Variants in MTHFD1 observed in about 807,000 individuals in gnomAD.
MTHFD1 encodes the protein methylenetetrahydrofolate dehydrogenase, cyclohydrolase and formyltetrahydrofolate synthetase 1, also known as C-1-tetrahydrofolate synthase, cytoplasmic.
Under a neutral mutation model 110.3 loss-of-function variants are expected in MTHFD1, and 44 were observed. The ratio of observed to expected loss-of-function variants is 0.40; its 90% CI spans 0.31 to 0.51. The LOEUF (loss-of-function observed/expected upper bound fraction) is 0.51, where lower values mean the gene tolerates loss of function less well. MTHFD1 is among the 20% of genes least tolerant of loss of function. MTHFD1 has a pLI of 0.60. For synonymous variants in MTHFD1, 402 were observed against 428.8 expected (o/e 0.94, Z 0.77); for missense variants, 909 against 1,173.1 (o/e 0.77, Z 3.29).
chr14:64,402,496 G>GA (rs2077905300), intron 2 of MTHFD1, among the ~76,000 whole-genome samples: 1 of 152,102 alleles, frequency 6.6e-6, no homozygotes, highest in Non-Finnish European at 1.5e-5. Context: ...TCATTTTTGA[G>GA]AAAATATTTG....
At chr14:64,414,747 T>A (rs2078012812) in intron 4 of MTHFD1, among the ~76,000 whole-genome samples, 2 of 150,696 alleles carry the variant, frequency 1.3e-5, no homozygotes, top group Non-Finnish European at 2.9e-5. Context: ...TGGAGTGCAG[T>A]GGCACTATCT....
At chr14:64,450,513 C>G (rs903430810) in intron 24 of MTHFD1, among the ~76,000 whole-genome samples, 3 of 152,132 alleles carry the variant, frequency 2.0e-5, no homozygotes, top group East Asian at 1.9e-4. Flanking sequence ...CTCTATGATA[C>G]AATAAAGTTA....
intron 19 of MTHFD1, 29 bp downstream of exon 19, chr14:64,441,482 A>G (rs1215837398): frequency 1.2e-6 from 2 of 1,610,866 alleles, no homozygotes; most frequent in Non-Finnish European, 1.7e-6. Flanking sequence ...GCCTTCTTGA[A>G]TTGGTTTTGG....
chr14:64,430,350 G>A (rs1281785122), intron 13 of MTHFD1, 120 bp downstream of exon 13: 1 of 930,516 alleles, frequency 1.1e-6, no homozygotes, highest in Non-Finnish European at 1.7e-6. Flanking sequence ...CAGAGCTGGA[G>A]TGCAATGGCG....
At chr14:64,429,762 GCTTT>G (rs57764063) in intron 12 of MTHFD1, among the ~76,000 whole-genome samples, 9,426 of 152,204 alleles carry the variant, frequency 0.062, 503 homozygotes, top group African/African-American at 0.16. Flanking sequence ...CAATTAGGCT[GCTTT>G]CTAACAGCCT....
chr14:64,413,149 C>T (rs1389203118), intron 4 of MTHFD1, among the ~76,000 whole-genome samples: 5 of 151,474 alleles, frequency 3.3e-5, no homozygotes, highest in Non-Finnish European at 5.9e-5. Context: ...GTCGGGAGTT[C>T]GAGACCAGCC....
At chr14:64,415,821 T>C in intron 6 of MTHFD1, 82 bp downstream of exon 6, 1 of 1,347,240 alleles carries the variant, frequency 7.4e-7, no homozygotes, top group Non-Finnish European at 1.0e-6. Context: ...AGGAGGTACA[T>C]TGTGGGCCAT....
chr14:64,419,744 T>A (rs2078054250), intron 7 of MTHFD1, 70 bp from the exon 8 acceptor site: 1 of 1,027,602 alleles, frequency 9.7e-7, no homozygotes, highest in Non-Finnish European at 1.5e-6. Context: ...GATATCCTTT[T>A]CATTTCTGGG....
rs1197119635 is a variant in MTHFD1 at position 64,417,366 on chromosome 14, C to T, written c.479-522C>T. On this transcript the variant is annotated intron_variant, in intron 6 of 27. Transcript: ENST00000652337. The surrounding 1 kb of genome is among the most constrained non-coding windows in gnomAD (Gnocchi z 4.4). ...TGCCACAGTTCAATTTCCCCTTTATCACTTCCCTGCAAGTAACCCTATGGC... is the reference window on the plus strand; with the variant it reads ...TGCCACAGTTCAATTTCCCCTTTATTACTTCCCTGCAAGTAACCCTATGGC... Among the ~76,000 whole-genome samples, 1 of 152,220 alleles carries T rather than the reference C, an allele frequency of 6.6e-6. No homozygotes were observed. Among genetic ancestry groups the T allele is most frequent in the Admixed American group, 6.5e-5 (1 of 15,278 alleles).
At chr14:64,429,889 G>C (rs1351366451) in intron 12 of MTHFD1, among the ~76,000 whole-genome samples, 6 of 152,132 alleles carry the variant, frequency 3.9e-5, no homozygotes, top group African/African-American at 1.4e-4. Context: ...AAATTGAACA[G>C]GTTGCCTTTA....
intron 4 of MTHFD1, among the ~76,000 whole-genome samples, chr14:64,413,704 T>G (rs529890384): frequency 6.6e-6 from 1 of 152,216 alleles, no homozygotes; most frequent in Non-Finnish European, 1.5e-5. Flanking sequence ...AGGTGCAAAT[T>G]ATAGAAAATT....
At chr14:64,423,954 C>A (rs2078097529) in intron 8 of MTHFD1, among the ~76,000 whole-genome samples, 1 of 150,610 alleles carries the variant, frequency 6.6e-6, no homozygotes, top group Non-Finnish European at 1.5e-5. Context: ...GTCTTGATCT[C>A]CTGATCTGGT....
chr14:64,433,626 G>C (rs2078179339), intron 15 of MTHFD1, among the ~76,000 whole-genome samples: 1 of 147,840 alleles, frequency 6.8e-6, no homozygotes, highest in Non-Finnish European at 1.5e-5. Flanking sequence ...TGTTGCCCAG[G>C]CTGATCTCAA....
intron 15 of MTHFD1, among the ~76,000 whole-genome samples, chr14:64,433,932 A>G (rs1436384020): frequency 6.6e-6 from 1 of 152,008 alleles, no homozygotes; most frequent in Non-Finnish European, 1.5e-5. Flanking sequence ...CGAGAGGCTG[A>G]CACAAGAGAA....
intron 26 of MTHFD1, 110 bp downstream of exon 26, chr14:64,454,985 A>G (rs1186464877): frequency 8.7e-6 from 10 of 1,153,440 alleles, no homozygotes; most frequent in Non-Finnish European, 1.3e-5. Flanking sequence ...TGCCCAGAAG[A>G]AAATTGGAAT....
Position 64,442,412 on chromosome 14 carries a change from G to C in MTHFD1, c.2136+10G>C, listed in dbSNP as rs1404846563. On this transcript the variant is annotated intron_variant, in intron 21 of 27. Coordinates refer to ENST00000652337, the MANE Select transcript of MTHFD1 (RefSeq NM_005956.4). ...CGGGGGCGGCCCCACGGTGAGTGGT[G>C]GGTTGAAGTATCTGATTATCGGCAG... 1 of 1,613,804 alleles carries C rather than the reference G, an allele frequency of 6.2e-7. No homozygotes were observed. The highest frequency in any genetic ancestry group is 2.2e-5 in the East Asian group (1 of 44,878).
At chr14:64,433,825 G>A (rs963439166) in intron 15 of MTHFD1, among the ~76,000 whole-genome samples, 1 of 151,324 alleles carries the variant, frequency 6.6e-6, no homozygotes, top group African/African-American at 2.4e-5. Context: ...GAGGTTGGGA[G>A]TTTGAGACCA....
intron 6 of MTHFD1, among the ~76,000 whole-genome samples, chr14:64,416,508 C>T (rs990469895): frequency 5.9e-5 from 9 of 152,138 alleles, no homozygotes; most frequent in East Asian, 5.8e-4. Flanking sequence ...GTCTCCTGCA[C>T]AGTTGGCCAT....
At chr14:64,413,754 A>G (rs148293189) in intron 4 of MTHFD1, among the ~76,000 whole-genome samples, 4 of 152,346 alleles carry the variant, frequency 2.6e-5, no homozygotes, top group South Asian at 2.1e-4. Flanking sequence ...TTGCTGCTCT[A>G]CATCTTGATT....
Sources: gnomAD v4.1 joint callset for allele counts (sites outside exome capture counted in the v4.1 genomes callset) on GRCh38, gnomAD v4.1.1 for gene constraint, Gnocchi (gnomAD v3.1) non-coding constraint, MANE v1.5 for transcripts, NCBI Gene and HGNC (gene_info 2026-07-23, HGNC 2026-07-21) for gene names.